Variants in CLSTN1 observed in about 807,000 individuals in gnomAD.
The protein encoded by CLSTN1 is calsyntenin 1.
Under a neutral mutation model 108.3 loss-of-function variants are expected in CLSTN1, and 28 were observed. The observed-to-expected ratio is 0.26, with a 90% CI of 0.19 to 0.35. The LOEUF (loss-of-function observed/expected upper bound fraction) is 0.35, where lower values mean the gene tolerates loss of function less well. CLSTN1 is among the 10% of genes least tolerant of loss of function. The pLI, the probability that CLSTN1 is intolerant of heterozygous loss-of-function variation, is 1.00. For synonymous variants in CLSTN1, 524 were observed against 534.9 expected (o/e 0.98, Z 0.28); for missense variants, 1,157 against 1,302.6 (o/e 0.89, Z 1.72).
chr1:9,752,326 G>A (rs1287682189), intron 4 of CLSTN1, among the ~76,000 whole-genome samples: 4 of 152,174 alleles, frequency 2.6e-5, no homozygotes, highest in Non-Finnish European at 5.9e-5. Context: ...AAAAAAAACT[G>A]TAGGTTTCAA....
intron 10 of CLSTN1, among the ~76,000 whole-genome samples, chr1:9,739,431 T>C (rs1462716914): frequency 6.6e-6 from 1 of 152,238 alleles, no homozygotes; most frequent in East Asian, 1.9e-4. Flanking sequence ...TTAATAACTA[T>C]ATTTCAGTTT....
intron 1 of CLSTN1, among the ~76,000 whole-genome samples, chr1:9,777,216 T>TC (rs1652996975): frequency 1.4e-5 from 1 of 71,380 alleles, no homozygotes; most frequent in African/African-American, 8.4e-5. Context: ...CGAGACTGTC[T>TC]CAAAAAAAAA....
chr1:9,790,742 T>C (rs1653725131), intron 1 of CLSTN1, among the ~76,000 whole-genome samples: 1 of 151,254 alleles, frequency 6.6e-6, no homozygotes, highest in Admixed American at 6.7e-5. Context: ...TCTAGCGGAT[T>C]CAGCTATATG....
intron 2 of CLSTN1, among the ~76,000 whole-genome samples, chr1:9,764,297 C>A (rs1311433391): frequency 4.6e-5 from 7 of 152,030 alleles, no homozygotes; most frequent in African/African-American, 1.7e-4. Flanking sequence ...GGATTCACCC[C>A]CTGTGACCCA....
chr1:9,778,459 C>A (rs1653064742), intron 1 of CLSTN1, among the ~76,000 whole-genome samples: 1 of 152,082 alleles, frequency 6.6e-6, no homozygotes, highest in Non-Finnish European at 1.5e-5. Flanking sequence ...TCAAAAGATA[C>A]TGCGAAGGTG....
intron 1 of CLSTN1, among the ~76,000 whole-genome samples, chr1:9,792,137 G>A (rs1048360882): frequency 1.3e-5 from 2 of 150,848 alleles, no homozygotes; most frequent in Non-Finnish European, 2.9e-5. Context: ...AGCTGAGATC[G>A]GTCGTGCCAC....
At chr1:9,766,602 G>A (rs1180513919) in intron 2 of CLSTN1, among the ~76,000 whole-genome samples, 1 of 152,186 alleles carries the variant, frequency 6.6e-6, no homozygotes, top group Non-Finnish European at 1.5e-5. Context: ...AGAGGTTGCA[G>A]TGAGCCGAGA....
intron 9 of CLSTN1, among the ~76,000 whole-genome samples, chr1:9,741,518 G>A (rs775590007): frequency 6.6e-6 from 1 of 152,222 alleles, no homozygotes; most frequent in African/African-American, 2.4e-5. Context: ...TCTGCCAACA[G>A]TGTGGCACCA....
intron 16 of CLSTN1, among the ~76,000 whole-genome samples, chr1:9,732,775 G>A (rs1012934788): frequency 7.2e-5 from 11 of 152,324 alleles, no homozygotes; most frequent in African/African-American, 2.2e-4. Context: ...GGTCCTGCCC[G>A]TGCGGGTCCC....
chr1:9,773,249 G>A, intron 2 of CLSTN1, 23 bp downstream of exon 2: 1 of 1,613,396 alleles, frequency 6.2e-7, no homozygotes, highest in Non-Finnish European at 8.5e-7. Context: ...TTCATCAAGA[G>A]TCAATGAAAG....
At chr1:9,748,803 C>T (rs771420443) in intron 7 of CLSTN1, among the ~76,000 whole-genome samples, 3 of 151,728 alleles carry the variant, frequency 2.0e-5, no homozygotes, top group Admixed American at 6.6e-5. Context: ...GTCTTCAATT[C>T]GTAAGTAAAC....
At position 9,731,284 on chromosome 1, in the gene CLSTN1, C is replaced by T. The variant is rs902567044; in HGVS notation, c.2670G>A (p.Met890Ile). The change falls in exon 18 of 19, where the codon ATG becomes ATA. Residue 890 changes from methionine to isoleucine, a missense_variant. Met to Ile is a conservative substitution (Grantham distance 10). Transcript: ENST00000377298. Reference sequence around the variant, plus strand: ...TCTCCTTCCCGGTGTCCTGATCCCGCATGGTCCGCCGATGTGCGGCCCGGA... The same window carrying T: ...TCTCCTTCCCGGTGTCCTGATCCCGTATGGTCCGCCGATGTGCGGCCCGGA... ...FRIRAAHRRT[M>I]RDQDTGKENE... 6.2e-7 allele frequency: 1 copy of T among 1,614,258 alleles called. No individual in the cohort carries two copies. Among genetic ancestry groups the T allele is most frequent in the Non-Finnish European group, 8.5e-7 (1 of 1,180,050 alleles).
chr1:9,777,830 T>C (rs1380852769), intron 1 of CLSTN1, among the ~76,000 whole-genome samples: 1 of 152,012 alleles, frequency 6.6e-6, no homozygotes, highest in African/African-American at 2.4e-5. Context: ...AAACGGCAAA[T>C]AATGTCTTAA....
intron 1 of CLSTN1, among the ~76,000 whole-genome samples, chr1:9,789,981 A>G (rs1362736788): frequency 6.6e-6 from 1 of 151,416 alleles, no homozygotes; most frequent in Non-Finnish European, 1.5e-5. Context: ...CCTATCTAAA[A>G]AAATAAAGTA....
At chr1:9,771,850 T>C (rs2101157434) in intron 2 of CLSTN1, among the ~76,000 whole-genome samples, 1 of 152,304 alleles carries the variant, frequency 6.6e-6, no homozygotes, top group Non-Finnish European at 1.5e-5. Context: ...GAAGTACAAA[T>C]TTATTTTTCA....
Position 9,766,437 on chromosome 1 carries a change from C to T in CLSTN1, c.214+6835G>A, listed in dbSNP as rs1310323912. On this transcript the variant is annotated intron_variant, in intron 2 of 18. Coordinates refer to ENST00000377298, the MANE Select transcript of CLSTN1 (RefSeq NM_001009566.3). ...ACTTTAGGAGGCCAAGGCGGAGGAT[C>T]ACTTGAGGCCAGGAGTTCGAGACCA... Among the ~76,000 whole-genome samples, 5 of 152,278 alleles carry T rather than the reference C, an allele frequency of 3.3e-5. No individual in the cohort carries two copies. In the East Asian group the frequency reaches 9.7e-4, roughly 29 times the overall value.
intron 2 of CLSTN1, among the ~76,000 whole-genome samples, chr1:9,764,727 C>G (rs1652244088): frequency 6.6e-6 from 1 of 151,362 alleles, no homozygotes; most frequent in Non-Finnish European, 1.5e-5. Context: ...CCTTAGCCCA[C>G]ACCATCGTTG....
chr1:9,762,365 G>C (rs1034553145), intron 2 of CLSTN1, among the ~76,000 whole-genome samples: 1 of 151,958 alleles, frequency 6.6e-6, no homozygotes, highest in Admixed American at 6.6e-5. Flanking sequence ...GGAGGCTGAG[G>C]CATGAGAATC....
chr1:9,774,068 T>C (rs1652823843), intron 1 of CLSTN1, among the ~76,000 whole-genome samples: 1 of 152,080 alleles, frequency 6.6e-6, no homozygotes, highest in South Asian at 2.1e-4. Context: ...TTTTTCTTTT[T>C]TCTCTGTTGC....
Sources: gnomAD v4.1 joint callset for allele counts (sites outside exome capture counted in the v4.1 genomes callset) on GRCh38, gnomAD v4.1.1 for gene constraint, MANE v1.5 for transcripts, NCBI Gene and HGNC (gene_info 2026-07-23, HGNC 2026-07-21) for gene names.